Variants in NELL1 observed in about 807,000 individuals in gnomAD.
NELL1 encodes neural EGFL like 1.
In NELL1, 76 loss-of-function variants were observed where a neutral mutation model predicts 107.4. That is an observed-to-expected ratio of 0.71 (90% CI 0.59 to 0.86). The LOEUF is 0.86. Ranked by LOEUF, NELL1 falls within the 40% of genes least tolerant of loss-of-function variation. The probability of loss-of-function intolerance (pLI) is 0.00; values close to 1 mark genes in which losing one functional copy is unlikely to be tolerated. For synonymous variants in NELL1, 353 were observed against 341.2 expected (o/e 1.03, Z -0.38); for missense variants, 1,024 against 1,005.5 (o/e 1.02, Z -0.25).
chr11:20,672,970 G>GCCCC (rs10592573), intron 1 of NELL1, among the ~76,000 whole-genome samples: 7 of 100,914 alleles, frequency 6.9e-5, no homozygotes, highest in Non-Finnish European at 8.4e-5. Flanking sequence ...TCCTGCCTCA[G>GCCCC]CCCCCCCCCC....
chr11:21,225,206 C>A (rs190014912), intron 13 of NELL1, among the ~76,000 whole-genome samples: 1 of 152,290 alleles, frequency 6.6e-6, no homozygotes, highest in Non-Finnish European at 1.5e-5. Context: ...ATTCTGGTGG[C>A]AGCTCTGCTC....
intron 12 of NELL1, among the ~76,000 whole-genome samples, chr11:20,965,459 G>T (rs1851369788): frequency 6.6e-6 from 1 of 152,144 alleles, no homozygotes; most frequent in African/African-American, 2.4e-5. Flanking sequence ...AGACCAAATT[G>T]GCAGGTAGCA....
Position 20,790,806 on chromosome 11 carries a change from G to A in NELL1, c.335+6976G>A, listed in dbSNP as rs190081968. ...TCTACCCCAACTTGGAAGGGGCGGG[G>A]CTTCTGCTTTTTCAAGGCTCCCAGT... On this transcript the variant is annotated intron_variant, in intron 3 of 19. Coordinates refer to ENST00000357134, the MANE Select transcript of NELL1 (RefSeq NM_006157.5). Among the ~76,000 whole-genome samples the A allele has an allele frequency of 3.0e-3, 453 of 152,282 alleles. 3 individuals carry two copies. Among genetic ancestry groups the A allele is most frequent in the African/African-American group, 0.01 (433 of 41,556 alleles).
chr11:21,492,280 C>A (rs1854842339), intron 15 of NELL1, among the ~76,000 whole-genome samples: 1 of 152,032 alleles, frequency 6.6e-6, no homozygotes, highest in African/African-American at 2.4e-5. Flanking sequence ...AATAGGAACA[C>A]TTTTACACTG....
At chr11:21,043,454 G>C (rs2134335831) in intron 12 of NELL1, among the ~76,000 whole-genome samples, 1 of 152,200 alleles carries the variant, frequency 6.6e-6, no homozygotes. Flanking sequence ...GGAGACAGAG[G>C]CAGGTCATGA....
chr11:20,793,431 A>G (rs1264054524), intron 3 of NELL1, among the ~76,000 whole-genome samples: 3 of 151,976 alleles, frequency 2.0e-5, no homozygotes, highest in Non-Finnish European at 4.4e-5. Context: ...TAATTTATTG[A>G]TCTTTTAAAT....
chr11:21,519,944 C>G (rs1478518048), intron 15 of NELL1, among the ~76,000 whole-genome samples: 1 of 152,032 alleles, frequency 6.6e-6, no homozygotes, highest in Non-Finnish European at 1.5e-5. Flanking sequence ...ACATTGACAC[C>G]TTTTTAATTT....
intron 14 of NELL1, among the ~76,000 whole-genome samples, chr11:21,240,431 G>T (rs1163839908): frequency 6.6e-6 from 1 of 151,996 alleles, no homozygotes; most frequent in South Asian, 2.1e-4. Flanking sequence ...AGAGAAGGAA[G>T]AGTATTTAGG....
Position 21,472,154 on chromosome 11 carries a change from T to G in NELL1, c.1646-62220T>G, listed in dbSNP as rs201423680. On this transcript the variant is annotated intron_variant, in intron 15 of 19. Transcript: ENST00000357134. Reference sequence around the variant, plus strand: ...ACAAGATTTGCTTTCTGTTTTGTTTTGTTTGTTTGTTTGTTTGTTTGTTTG... The same window carrying G: ...ACAAGATTTGCTTTCTGTTTTGTTTGGTTTGTTTGTTTGTTTGTTTGTTTG... Among the ~76,000 whole-genome samples, 7 of 2,396 alleles carry G rather than the reference T, an allele frequency of 2.9e-3. No individual in the cohort carries two copies. In the Admixed American group the frequency reaches 0.031, roughly 11 times the overall value. The allele number at this position is 2,396 out of a possible 152,430, so 1.6% of individuals were successfully genotyped here. A position where few individuals can be genotyped will look rare whatever the true frequency, so the allele number is the denominator to read the frequency against.
chr11:21,284,345 G>C (rs1849065174), intron 14 of NELL1: 1 of 457,122 alleles, frequency 2.2e-6, no homozygotes, highest in Non-Finnish European at 4.4e-6. Flanking sequence ...AGGAGTGACA[G>C]AGAGCCTAAA....
intron 5 of NELL1, among the ~76,000 whole-genome samples, chr11:20,916,922 T>G (rs1000737239): frequency 2.6e-5 from 4 of 151,938 alleles, no homozygotes; most frequent in Non-Finnish European, 5.9e-5. Context: ...GCTAACTTAT[T>G]GCCTAAGTCT....
At chr11:21,123,314 A>G (rs1431928539) in intron 13 of NELL1, among the ~76,000 whole-genome samples, 2 of 148,542 alleles carry the variant, frequency 1.3e-5, no homozygotes, top group Non-Finnish European at 3.0e-5. Context: ...TTTCTTTGTC[A>G]AGGAAGATGT....
chr11:20,765,243 G>T (rs746958273), intron 2 of NELL1, among the ~76,000 whole-genome samples: 1 of 152,174 alleles, frequency 6.6e-6, no homozygotes, highest in Non-Finnish European at 1.5e-5. Flanking sequence ...TGCATGGTAG[G>T]TTTAGGGACA....
intron 4 of NELL1, among the ~76,000 whole-genome samples, chr11:20,880,579 T>TA (rs1849388857): frequency 6.6e-6 from 1 of 152,234 alleles, no homozygotes; most frequent in Non-Finnish European, 1.5e-5. Flanking sequence ...CCACACTATC[T>TA]AAGATACTTC....
rs1852378783 is a variant in NELL1, at chr11:21,008,559, A to T, written c.1300+47999A>T. Among the ~76,000 whole-genome samples the T allele has an allele frequency of 3.3e-5, 5 of 152,128 alleles. No homozygotes were observed. In the South Asian group the frequency reaches 1.0e-3, roughly 32 times the overall value. ...GAAAAACATGTTTATTGAGTCAATG[A>T]ATGAATGGGTAAGTAATGAAAAATG... On this transcript the variant is annotated intron_variant, in intron 12 of 19. Coordinates refer to ENST00000357134, the MANE Select transcript of NELL1 (RefSeq NM_006157.5).
chr11:20,979,847 T>C (rs1851713977), intron 12 of NELL1, among the ~76,000 whole-genome samples: 1 of 152,144 alleles, frequency 6.6e-6, no homozygotes, highest in Non-Finnish European at 1.5e-5. Flanking sequence ...TTGCCTGTAG[T>C]TGTGTGTGCT....
intron 13 of NELL1, among the ~76,000 whole-genome samples, chr11:21,199,063 T>G (rs935168113): frequency 1.3e-5 from 2 of 152,162 alleles, no homozygotes; most frequent in Non-Finnish European, 2.9e-5. Context: ...CTATTCTTTT[T>G]ACATCTGGTC....
chr11:21,115,798 C>T (rs2133733146), intron 13 of NELL1, among the ~76,000 whole-genome samples: 1 of 152,030 alleles, frequency 6.6e-6, no homozygotes, highest in South Asian at 2.1e-4. Flanking sequence ...TTCTGCTGCC[C>T]CCACCAACAT....
intron 13 of NELL1, among the ~76,000 whole-genome samples, chr11:21,158,378 G>T (rs537229583): frequency 6.6e-6 from 1 of 152,110 alleles, no homozygotes. Flanking sequence ...TATCCTATTA[G>T]TCCTGTCTCT....
Sources: gnomAD v4.1 joint callset for allele counts (sites outside exome capture counted in the v4.1 genomes callset) on GRCh38, gnomAD v4.1.1 for gene constraint, MANE v1.5 for transcripts, NCBI Gene and HGNC (gene_info 2026-07-23, HGNC 2026-07-21) for gene names.